TCF7L1: variants seen among roughly 807,000 people sequenced by gnomAD.
TCF7L1 encodes the protein transcription factor 7-like 1.
Under a neutral mutation model 63.7 loss-of-function variants are expected in TCF7L1, and 18 were observed. That is an observed-to-expected ratio of 0.28 (90% CI 0.20 to 0.42). The LOEUF is 0.42. Among genes scored for constraint, TCF7L1 ranks in the 10% least tolerant of loss-of-function variants. The pLI, the probability that TCF7L1 is intolerant of heterozygous loss-of-function variation, is 1.00. For synonymous variants in TCF7L1, 355 were observed against 340.9 expected, an observed-to-expected ratio of 1.04 and a Z score of -0.46; for missense variants, 654 against 779.3, an observed-to-expected ratio of 0.84 and a Z score of 1.91.
intron 3 of TCF7L1, among the ~76,000 whole-genome samples, chr2:85,281,900 G>T (rs1028042097): frequency 1.3e-5 from 2 of 152,158 alleles, no homozygotes; most frequent in Non-Finnish European, 2.9e-5. Context: ...TCTTCCCATC[G>T]CCCTCCTGCT....
At chr2:85,220,588 T>C (rs1032310473) in intron 3 of TCF7L1, among the ~76,000 whole-genome samples, 15 of 152,004 alleles carry the variant, frequency 9.9e-5, no homozygotes, top group African/African-American at 3.6e-4. Flanking sequence ...ATGGTCTCGA[T>C]CTCTTGACCT....
intron 3 of TCF7L1, among the ~76,000 whole-genome samples, chr2:85,142,528 G>A (rs1462088268): frequency 3.3e-5 from 5 of 151,434 alleles, no homozygotes; most frequent in Admixed American, 1.3e-4. Flanking sequence ...CACAATTTGT[G>A]TGTAGCTAGG....
rs778427432 is a variant in TCF7L1, at chr2:85,283,488, T to C, written c.442-7T>C. On this transcript the variant is annotated splice_region_variant and splice_polypyrimidine_tract_variant and intron_variant, in intron 3 of 11. Transcript: ENST00000282111. The stretch of plus-strand genomic sequence containing the variant: ...CAACAGCTTTTTCTTTTCTGTTCCC[T>C]GTGCAGTACCTGCAGATGAAATGGC... 3 of 1,613,982 alleles carry C rather than the reference T, an allele frequency of 1.9e-6. No homozygotes were observed. The highest frequency in any genetic ancestry group is 2.5e-6 in the Non-Finnish European group (3 of 1,180,006).
At chr2:85,227,604 C>CT (rs1679987337) in intron 3 of TCF7L1, among the ~76,000 whole-genome samples, 1 of 152,124 alleles carries the variant, frequency 6.6e-6, no homozygotes, top group Non-Finnish European at 1.5e-5. Flanking sequence ...TAGTTAAAAA[C>CT]TTGACTCTTC....
At chr2:85,177,336 G>A (rs1184132709) in intron 3 of TCF7L1, among the ~76,000 whole-genome samples, 1 of 152,136 alleles carries the variant, frequency 6.6e-6, no homozygotes, top group African/African-American at 2.4e-5. Flanking sequence ...GCAGGGGTGT[G>A]GGGCACAAAC....
chr2:85,161,871 T>A (rs1678293905), intron 3 of TCF7L1, among the ~76,000 whole-genome samples: 1 of 151,798 alleles, frequency 6.6e-6, no homozygotes, highest in Non-Finnish European at 1.5e-5. Flanking sequence ...GCTCAGAGGC[T>A]TGTGGTGATC....
intron 3 of TCF7L1, among the ~76,000 whole-genome samples, chr2:85,222,151 G>A (rs1374660696): frequency 6.6e-6 from 1 of 152,112 alleles, no homozygotes; most frequent in Non-Finnish European, 1.5e-5. Context: ...AGACCAGCCT[G>A]ACCAACATGG....
At chr2:85,277,312 C>T (rs914599403) in intron 3 of TCF7L1, among the ~76,000 whole-genome samples, 4 of 151,996 alleles carry the variant, frequency 2.6e-5, no homozygotes, top group Non-Finnish European at 5.9e-5. Flanking sequence ...ATTTATAGTA[C>T]GGTTATAGTA....
intron 3 of TCF7L1, among the ~76,000 whole-genome samples, chr2:85,198,795 A>C (rs945808758): frequency 1.3e-5 from 2 of 152,174 alleles, no homozygotes; most frequent in African/African-American, 4.8e-5. Flanking sequence ...CAAGAGGTTG[A>C]GGCTGCAGTA....
At chr2:85,307,072 C>A (rs950870049) in intron 10 of TCF7L1, among the ~76,000 whole-genome samples, 1 of 152,184 alleles carries the variant, frequency 6.6e-6, no homozygotes, top group South Asian at 2.1e-4. Flanking sequence ...TGAGGACGGA[C>A]TTCAGTTGAT....
intron 3 of TCF7L1, among the ~76,000 whole-genome samples, chr2:85,146,765 A>G (rs928938706): frequency 6.6e-6 from 1 of 151,852 alleles, no homozygotes; most frequent in African/African-American, 2.4e-5. Context: ...CGGCCTCCCA[A>G]AGTGCTGGGA....
At chr2:85,203,563 C>T (rs1282700423) in intron 3 of TCF7L1, among the ~76,000 whole-genome samples, 1 of 150,832 alleles carries the variant, frequency 6.6e-6, no homozygotes, top group African/African-American at 2.5e-5. Flanking sequence ...CCTGTCTCTA[C>T]AAAAAAAAAT....
At chr2:85,245,539 A>G in intron 3 of TCF7L1, among the ~76,000 whole-genome samples, 1 of 152,172 alleles carries the variant, frequency 6.6e-6, no homozygotes, top group African/African-American at 2.4e-5. Flanking sequence ...CGGGCCAGGC[A>G]CGGTGGCTCA....
chr2:85,238,408 G>A (rs72831498), intron 3 of TCF7L1, among the ~76,000 whole-genome samples: 4,497 of 152,282 alleles, frequency 0.03, 89 homozygotes, highest in Middle Eastern at 0.044. Flanking sequence ...TTATCTGCAA[G>A]GAAGATGACT....
chr2:85,280,493 G>A (rs962227080), intron 3 of TCF7L1, among the ~76,000 whole-genome samples: 3 of 152,134 alleles, frequency 2.0e-5, no homozygotes, highest in South Asian at 2.1e-4. Context: ...TATGATCTAA[G>A]GACATCCCTG....
intron 4 of TCF7L1, among the ~76,000 whole-genome samples, chr2:85,285,058 A>T (rs535419466): frequency 6.6e-6 from 1 of 151,972 alleles, no homozygotes; most frequent in African/African-American, 2.4e-5. Context: ...ACGGTGAAAC[A>T]CCGTCTCTAC....
At chr2:85,241,261 C>T (rs987648380) in intron 3 of TCF7L1, among the ~76,000 whole-genome samples, 44 of 152,104 alleles carry the variant, frequency 2.9e-4, no homozygotes, top group Non-Finnish European at 1.2e-4. Context: ...AGTTGGCACA[C>T]GAGTATTTTC....
intron 3 of TCF7L1, among the ~76,000 whole-genome samples, chr2:85,145,153 A>G (rs546128486): frequency 6.6e-6 from 1 of 152,292 alleles, no homozygotes; most frequent in African/African-American, 2.4e-5. Flanking sequence ...TGGAAAGATT[A>G]ACAAAGGGGG....
In TCF7L1 at chr2:85,134,113, A is replaced by G. The variant is rs746124348; in HGVS notation, c.313+34A>G. The G allele has an allele frequency of 1.2e-6, 2 of 1,603,130 alleles. No individual in the cohort carries two copies. Among genetic ancestry groups the G allele is most frequent in the Non-Finnish European group, 1.7e-6 (2 of 1,175,936 alleles). Reference sequence around the variant, plus strand: ...CCGCTGGGACAGCCCCCCACTCTCGATTCCCGCTGCGCTCCGCTGCTCAGC... The same window carrying G: ...CCGCTGGGACAGCCCCCCACTCTCGGTTCCCGCTGCGCTCCGCTGCTCAGC... On this transcript the variant is annotated intron_variant, in intron 2 of 11. Transcript: ENST00000282111. This position sits in a 1 kb window ranked among gnomAD's most constrained non-coding sequence, Gnocchi z 5.0.
Sources: gnomAD v4.1 joint callset for allele counts (sites outside exome capture counted in the v4.1 genomes callset) on GRCh38, gnomAD v4.1.1 for gene constraint, Gnocchi (gnomAD v3.1) non-coding constraint, MANE v1.5 for transcripts, NCBI Gene and HGNC (gene_info 2026-07-23, HGNC 2026-07-21) for gene names.